Variants in ABCE1 observed in about 807,000 individuals in gnomAD.
ABCE1 encodes ATP-binding cassette sub-family E member 1.
ABCE1 carries 22 observed loss-of-function variants against 83.4 expected under a neutral mutation model. The observed-to-expected ratio is 0.26, with a 90% CI of 0.19 to 0.38. ABCE1 has a LOEUF of 0.38. Ranked by LOEUF, ABCE1 falls within the 10% of genes least tolerant of loss-of-function variation. ABCE1 has a pLI of 1.00. For synonymous variants in ABCE1, 204 were observed against 233.7 expected, an observed-to-expected ratio of 0.87 and a Z score of 1.16; for missense variants, 330 against 721.9, an observed-to-expected ratio of 0.46 and a Z score of 6.22.
intron 9 of ABCE1, among the ~76,000 whole-genome samples, chr4:145,114,803 C>T (rs1749568783): frequency 6.6e-6 from 1 of 151,918 alleles, no homozygotes. Context: ...ATTTTTAAGA[C>T]ATTTCACAAG....
chr4:145,112,219 T>TTTTTTTTTTTTTTTTATTTTTATTTTTTC lies in ABCE1; in HGVS notation c.711-6_711-5insTATTTTTATTTTTTCTTTTTTTTTTTTTT. 1 of 1,114,166 alleles carries TTTTTTTTTTTTTTTTATTTTTATTTTTTC rather than the reference T, an allele frequency of 9.0e-7. No individual in the cohort carries two copies. Among genetic ancestry groups the TTTTTTTTTTTTTTTTATTTTTATTTTTTC allele is most frequent in the Admixed American group, 4.4e-5 (1 of 22,956 alleles). 69.0% of individuals were successfully genotyped at this position (1,114,166 alleles called of 1,614,324 possible). On this transcript the variant is annotated intron_variant, in intron 8 of 17. Coordinates refer to ENST00000296577, the MANE Select transcript of ABCE1 (RefSeq NM_002940.3). The stretch of plus-strand genomic sequence containing the variant: ...TTGTCTTTCAAACTTATATTTGCTT[T>TTTTTTTTTTTTTTTTATTTTTATTTTTTC]TTTTTTTTTTTTTTCATAGTTTCAT...
At chr4:145,112,455 C>T (rs1419773049) in intron 9 of ABCE1, 127 bp downstream of exon 9, 11 of 677,916 alleles carry the variant, frequency 1.6e-5, no homozygotes, top group Middle Eastern at 4.0e-4. Flanking sequence ...ATAGCTGCCA[C>T]CTAAATTTAC....
chr4:145,112,748 T>C (rs1018406516), intron 9 of ABCE1, among the ~76,000 whole-genome samples: 4 of 152,210 alleles, frequency 2.6e-5, no homozygotes, highest in African/African-American at 9.7e-5. Context: ...TAACTTCTGT[T>C]AGTATTCAAA....
rs150813567 is a variant in ABCE1 at position 145,104,430 on chromosome 4, G to A, written c.18G>A (p.Thr6=). 1.4e-5 allele frequency: 23 copies of A among 1,600,586 alleles called. No homozygotes were observed. The highest frequency in any genetic ancestry group is 6.7e-5 in the African/African-American group (5 of 74,196). The change falls in exon 2 of 18, where the codon ACG becomes ACA. Residue 6 remains threonine (T), a synonymous_variant. Transcript: ENST00000296577. Reference sequence around the variant, plus strand: ...GCCCAGTTATGGCAGACAAGTTAACGAGAATTGCTATTGTCAACCATGACA... The same window carrying A: ...GCCCAGTTATGGCAGACAAGTTAACAAGAATTGCTATTGTCAACCATGACA... MADKL[T]RIAIVNHDKC... is the part of the protein sequence containing the mutation.
At chr4:145,105,715 T>G in intron 3 of ABCE1, 25 bp downstream of exon 3, 1 of 1,498,712 alleles carries the variant, frequency 6.7e-7, no homozygotes, top group East Asian at 2.3e-5. Flanking sequence ...ATTTACTGGA[T>G]CAAACGTGTA....
intron 3 of ABCE1, among the ~76,000 whole-genome samples, chr4:145,106,156 T>C (rs35188423): frequency 1.7e-3 from 253 of 152,110 alleles, no homozygotes; most frequent in African/African-American, 5.9e-3. Flanking sequence ...TTTGTTGCCT[T>C]GAATAGTTTG....
At chr4:145,119,834 A>G in intron 10 of ABCE1, 98 bp from the exon 11 acceptor site, 1 of 809,156 alleles carries the variant, frequency 1.2e-6, no homozygotes, top group Non-Finnish European at 2.0e-6. Context: ...GCAAAAATCC[A>G]CAGAAATTTA....
chr4:145,106,592 T>A (rs963233276), intron 3 of ABCE1, among the ~76,000 whole-genome samples: 1 of 152,082 alleles, frequency 6.6e-6, no homozygotes, highest in Non-Finnish European at 1.5e-5. Context: ...GATATACACT[T>A]GAGTGGCTAA....
intron 9 of ABCE1, among the ~76,000 whole-genome samples, chr4:145,114,758 A>G (rs1749567337): frequency 6.6e-6 from 1 of 152,032 alleles, no homozygotes. Flanking sequence ...TAGGGATAAC[A>G]TGGTAAGACA....
At chr4:145,105,950 T>G (rs1019270371) in intron 3 of ABCE1, among the ~76,000 whole-genome samples, 3 of 151,978 alleles carry the variant, frequency 2.0e-5, no homozygotes, top group Non-Finnish European at 4.4e-5. Context: ...TTTTTTCACC[T>G]TTTTATAAGG....
At chr4:145,125,387 G>A (rs1196462680) in intron 17 of ABCE1, among the ~76,000 whole-genome samples, 1 of 152,000 alleles carries the variant, frequency 6.6e-6, no homozygotes, top group Non-Finnish European at 1.5e-5. Flanking sequence ...AGAATCACTT[G>A]AACCTGGAAG....
Position 145,112,423 on chromosome 4 carries a change from A to G in ABCE1, c.800+95A>G, listed in dbSNP as rs189681323. On this transcript the variant is annotated intron_variant, in intron 9 of 17. Transcript: ENST00000296577. ...CACTGGGACTGTCAATGTGATGTAC[A>G]TATTTTTTATCTTGGTTGTTTATAG... 8.0e-5 allele frequency: 69 copies of G among 865,522 alleles called. 1 individual carries two copies. In the East Asian group the frequency reaches 1.5e-3, roughly 19 times the overall value. 53.6% of individuals were successfully genotyped at this position (865,522 alleles called of 1,614,324 possible).
At chr4:145,127,027 G>A (rs1281246649) in intron 17 of ABCE1, among the ~76,000 whole-genome samples, 1 of 152,090 alleles carries the variant, frequency 6.6e-6, no homozygotes, top group African/African-American at 2.4e-5. Context: ...TATCATTTCT[G>A]TATGCCTACT....
chr4:145,099,776 C>G (rs1469790994), intron 1 of ABCE1, among the ~76,000 whole-genome samples: 1 of 152,170 alleles, frequency 6.6e-6, no homozygotes, highest in Non-Finnish European at 1.5e-5. Flanking sequence ...CTTTGAAATG[C>G]TTTTACACAG....
Position 145,111,030 on chromosome 4 carries a change from G to T in ABCE1, c.676G>T (p.Ala226Ser). The T allele has an allele frequency of 6.2e-7, 1 of 1,612,430 alleles. No homozygotes were observed. Among genetic ancestry groups the T allele is most frequent in the Non-Finnish European group, 8.5e-7 (1 of 1,179,396 alleles). Reference sequence around the variant, plus strand: ...TTCAGGAGGAGAGTTGCAGAGATTTGCTTGTGCTGTCGTTTGCATACAGAA... The same window carrying T: ...TTCAGGAGGAGAGTTGCAGAGATTTTCTTGTGCTGTCGTTTGCATACAGAA... Reference protein sequence around the residue: ...DLSGGELQRFACAVVCIQKAD... With the variant: ...DLSGGELQRFSCAVVCIQKAD... Residue 226 changes from alanine to serine, a missense_variant, in exon 8 of 18, where the codon GCT becomes TCT. Transcript: ENST00000296577.
Position 145,108,690 on chromosome 4 carries a change from TG to T in ABCE1, c.288-440del, listed in dbSNP as rs541606909. On this transcript the variant is annotated intron_variant, in intron 4 of 17. Transcript: ENST00000296577. ...GCCTACTGCAGCAGGGAGAAGGAAG[TG>T]GAATATTTCTGGTTGATGTGGCACT... is the stretch of plus-strand genomic sequence containing the variant. Among the ~76,000 whole-genome samples the T allele has an allele frequency of 4.4e-3, 669 of 152,246 alleles. 3 individuals are homozygous for T. The highest frequency in any genetic ancestry group is 0.015 in the African/African-American group (615 of 41,536).
chr4:145,123,174 T>C, intron 14 of ABCE1, 41 bp from the exon 15 acceptor site: 1 of 1,586,722 alleles, frequency 6.3e-7, no homozygotes, highest in Non-Finnish European at 8.5e-7. Flanking sequence ...TATTTTGAAT[T>C]TTGGATGCCT....
intron 13 of ABCE1, 71 bp downstream of exon 13, chr4:145,121,462 T>G (rs1006140853): frequency 2.6e-6 from 3 of 1,164,170 alleles, no homozygotes; most frequent in Admixed American, 2.2e-5. Flanking sequence ...CATCTTTTAC[T>G]ATATTAAAAT....
Position 145,127,577 on chromosome 4 carries a change from G to T in ABCE1, c.*4G>T. On this transcript the variant is annotated 3_prime_UTR_variant, in exon 18 of 18. Transcript: ENST00000296577. ...CTACTTTTTCTTGGATGATTAGACT[G>T]ACTCTGAGAATATTGATAAGCCATT... 6.4e-7 allele frequency: 1 copy of T among 1,555,814 alleles called. No homozygotes were observed. Among genetic ancestry groups the T allele is most frequent in the South Asian group, 1.2e-5 (1 of 80,234 alleles).
Sources: allele counts gnomAD v4.1 joint callset (sites outside exome capture counted in the v4.1 genomes callset), GRCh38; gene constraint gnomAD v4.1.1; transcripts MANE v1.5; gene names NCBI Gene and HGNC (gene_info 2026-07-23, HGNC 2026-07-21).